The following SLC4A8 variants were observed in gnomAD, a reference collection of about 807,000 sequenced individuals.
SLC4A8 encodes solute carrier family 4 member 8.
A neutral mutation model predicts 125.0 loss-of-function variants in SLC4A8; 40 were observed. That is an observed-to-expected ratio of 0.32 (90% CI 0.25 to 0.42). SLC4A8 has a LOEUF of 0.42. Among genes scored for constraint, SLC4A8 ranks in the 10% least tolerant of loss-of-function variants. The probability of loss-of-function intolerance (pLI) is 1.00; values close to 1 mark genes in which losing one functional copy is unlikely to be tolerated. For synonymous variants in SLC4A8, 456 were observed against 476.0 expected, an observed-to-expected ratio of 0.96 and a Z score of 0.55; for missense variants, 863 against 1,355.1, an observed-to-expected ratio of 0.64 and a Z score of 5.70.
intron 1 of SLC4A8, among the ~76,000 whole-genome samples, chr12:51,417,463 C>A (rs1464677909): frequency 6.6e-6 from 1 of 152,048 alleles, no homozygotes; most frequent in Non-Finnish European, 1.5e-5. Flanking sequence ...TCTCCCACGT[C>A]AGCCTCCCGA....
At position 51,424,920 on chromosome 12, in the gene SLC4A8, C is replaced by G; in HGVS notation, c.-68C>G. On this transcript the variant is annotated 5_prime_UTR_variant, in exon 1 of 25. Coordinates refer to ENST00000453097, the MANE Select transcript of SLC4A8 (RefSeq NM_001039960.3). ...GCCGTTCGAGTGATCTGCTCAGACC[C>G]GACCAGAGGGCGCGGGCTGCTGATG... The G allele has an allele frequency of 6.6e-7, 1 of 1,514,596 alleles. No homozygotes were observed. The highest frequency in any genetic ancestry group is 9.0e-7 in the Non-Finnish European group (1 of 1,115,140). The allele number at this position is 1,514,596 out of a possible 1,614,324, so 93.8% of individuals were successfully genotyped here.
rs1938250374 is a variant in SLC4A8, at chr12:51,508,288, G to A, written c.*850G>A. On this transcript the variant is annotated 3_prime_UTR_variant, in exon 25 of 25. Coordinates refer to ENST00000453097, the MANE Select transcript of SLC4A8 (RefSeq NM_001039960.3). ...CAGAAGGAATTAGTTTAGATACCAG[G>A]AAGAACTTCCTAGCCTGAAGATTTG... is the stretch of plus-strand genomic sequence containing the variant. 1 of 152,394 alleles carries A rather than the reference G, an allele frequency of 6.6e-6. No homozygotes were observed. Among genetic ancestry groups the A allele is most frequent in the South Asian group, 2.1e-4 (1 of 4,828 alleles). 9.4% of individuals were successfully genotyped at this position (152,394 alleles called of 1,614,324 possible).
intron 1 of SLC4A8, among the ~76,000 whole-genome samples, chr12:51,431,689 T>G (rs990610068): frequency 2.0e-5 from 3 of 152,108 alleles, no homozygotes; most frequent in African/African-American, 7.2e-5. Context: ...TGGGTCAGAT[T>G]TGGTGATGGA....
intron 1 of SLC4A8, among the ~76,000 whole-genome samples, chr12:51,435,121 C>A (rs1220172281): frequency 6.6e-6 from 1 of 152,122 alleles, no homozygotes; most frequent in Non-Finnish European, 1.5e-5. Flanking sequence ...GATTTAGAGG[C>A]TTGATCAGAT....
At chr12:51,474,221 T>G (rs1950795798) in intron 14 of SLC4A8, 121 bp from the exon 15 acceptor site, 1 of 589,494 alleles carries the variant, frequency 1.7e-6, no homozygotes, top group African/African-American at 1.8e-5. Context: ...GCTCCTCAGG[T>G]CTGAAGTATG....
intron 2 of SLC4A8, among the ~76,000 whole-genome samples, chr12:51,445,439 A>G (rs1949743296): frequency 6.6e-6 from 1 of 152,142 alleles, no homozygotes. Flanking sequence ...GAGTGTTGAG[A>G]TAACAGGTGT....
At chr12:51,462,265 G>T in intron 9 of SLC4A8, 45 bp from the exon 10 acceptor site, 1 of 1,576,636 alleles carries the variant, frequency 6.3e-7, no homozygotes, top group Non-Finnish European at 8.7e-7. Context: ...ATTGTTTCAT[G>T]TAAAGTTACT....
chr12:51,393,245 G>A (rs12371092), intron 1 of SLC4A8, among the ~76,000 whole-genome samples: 5,217 of 152,222 alleles, frequency 0.034, 149 homozygotes, highest in Non-Finnish European at 0.051. Context: ...CTCCACAGAT[G>A]CATGCCACCA....
intron 14 of SLC4A8, among the ~76,000 whole-genome samples, chr12:51,471,961 C>G (rs1950712568): frequency 2.0e-5 from 3 of 152,210 alleles, no homozygotes; most frequent in Admixed American, 2.0e-4. Context: ...AAAGTATGTA[C>G]AGGCAACTCT....
intron 1 of SLC4A8, among the ~76,000 whole-genome samples, chr12:51,392,626 C>T (rs1186993738): frequency 2.6e-5 from 4 of 151,734 alleles, no homozygotes; most frequent in Non-Finnish European, 5.9e-5. Context: ...GGCCCCACCG[C>T]AGACCTAAAT....
rs533029661 is a variant in SLC4A8, at chr12:51,425,337, T to C, written c.48+302T>C. 365 of 1,224,666 alleles carry C rather than the reference T, an allele frequency of 3.0e-4. 2 individuals are homozygous for C. In the African/African-American group the frequency reaches 5.3e-3, roughly 18 times the overall value. The allele number at this position is 1,224,666 out of a possible 1,614,324, so 75.9% of individuals were successfully genotyped here. On this transcript the variant is annotated intron_variant, in intron 1 of 24. Coordinates refer to ENST00000453097, the MANE Select transcript of SLC4A8 (RefSeq NM_001039960.3). ...ACCTCTTGTTCTCCTCGCGTCTTTC[T>C]GTTGGAAGGGGCCGGCGTCTGGCCT...
intron 1 of SLC4A8, among the ~76,000 whole-genome samples, chr12:51,401,134 G>A (rs1205804879): frequency 1.3e-5 from 2 of 151,960 alleles, no homozygotes; most frequent in Non-Finnish European, 2.9e-5. Context: ...TGTTTGAGAC[G>A]GAGCGTTCCT....
chr12:51,482,848 A>C (rs116073337), intron 16 of SLC4A8, among the ~76,000 whole-genome samples: 2,243 of 152,312 alleles, frequency 0.015, 72 homozygotes, highest in African/African-American at 0.052. Context: ...AACACCTCCC[A>C]GAAAGCAGAA....
At chr12:51,430,751 A>G (rs1275632190) in intron 1 of SLC4A8, among the ~76,000 whole-genome samples, 1 of 152,230 alleles carries the variant, frequency 6.6e-6, no homozygotes, top group Non-Finnish European at 1.5e-5. Context: ...ATCAGGACAC[A>G]GAAAAGCAAT....
At chr12:51,417,350 A>ATT (rs753191543) in intron 1 of SLC4A8, among the ~76,000 whole-genome samples, 2,062 of 143,142 alleles carry the variant, frequency 0.014, 49 homozygotes, top group East Asian at 0.1. Context: ...TAGTTTTTGA[A>ATT]TTTTTTTTTT....
upstream of SLC4A8, chr12:51,422,271 C>T (rs1948805582): frequency 2.0e-5 from 3 of 152,206 alleles, no homozygotes; most frequent in Admixed American, 2.0e-4. Flanking sequence ...TGGAAGTTTT[C>T]CCTAAAGCCT....
At chr12:51,426,142 A>T (rs1948968054) in intron 1 of SLC4A8, among the ~76,000 whole-genome samples, 1 of 152,180 alleles carries the variant, frequency 6.6e-6, no homozygotes, top group Non-Finnish European at 1.5e-5. Flanking sequence ...GGAGGCAGGG[A>T]AAATATCCTG....
intron 2 of SLC4A8, among the ~76,000 whole-genome samples, chr12:51,449,377 A>T (rs1439986154): frequency 6.6e-6 from 1 of 151,906 alleles, no homozygotes; most frequent in African/African-American, 2.4e-5. Context: ...ATGAGTGGTG[A>T]TCATAACACC....
At chr12:51,450,695 C>A (rs569919398) in intron 2 of SLC4A8, 181 bp from the exon 3 acceptor site, 13 of 628,242 alleles carry the variant, frequency 2.1e-5, no homozygotes, top group Middle Eastern at 4.3e-4. Flanking sequence ...AAGGAAGAGA[C>A]CTTCAACTCC....
Sources: allele counts gnomAD v4.1 joint callset (sites outside exome capture counted in the v4.1 genomes callset), GRCh38; gene constraint gnomAD v4.1.1; transcripts MANE v1.5; gene names NCBI Gene and HGNC (gene_info 2026-07-23, HGNC 2026-07-21).